The following ULK4 variants were observed in gnomAD, a reference collection of about 807,000 sequenced individuals.
ULK4 encodes inactive serine/threonine-protein kinase ULK4.
Under a neutral mutation model 160.6 loss-of-function variants are expected in ULK4, and 133 were observed. The ratio of observed to expected loss-of-function variants is 0.83; its 90% CI spans 0.72 to 0.96. The LOEUF (loss-of-function observed/expected upper bound fraction) is 0.96, where lower values mean the gene tolerates loss of function less well. Among genes scored for constraint, ULK4 ranks in the 40% least tolerant of loss-of-function variants. The probability of loss-of-function intolerance (pLI) is 0.00; values close to 1 mark genes in which losing one functional copy is unlikely to be tolerated. For missense variants in ULK4, 1,580 were observed against 1,499.5 expected (o/e 1.05, Z -0.89); for synonymous variants, 534 against 539.8 (o/e 0.99, Z 0.15).
chr3:41,454,484 G>A (rs1475521464), intron 34 of ULK4, among the ~76,000 whole-genome samples: 3 of 144,514 alleles, frequency 2.1e-5, no homozygotes, highest in Admixed American at 7.1e-5. Flanking sequence ...ATGCTGCAGT[G>A]AGCTGAGATC....
intron 34 of ULK4, among the ~76,000 whole-genome samples, chr3:41,440,719 T>C (rs1042367604): frequency 6.6e-6 from 1 of 152,036 alleles, no homozygotes; most frequent in Non-Finnish European, 1.5e-5. Context: ...TTTTGTAAAT[T>C]TGGTTATTAT....
At chr3:41,430,716 G>A (rs148983894) in intron 34 of ULK4, among the ~76,000 whole-genome samples, 285 of 152,220 alleles carry the variant, frequency 1.9e-3, no homozygotes, top group Non-Finnish European at 2.2e-3. Flanking sequence ...GCCATAGGCA[G>A]GATAATTTTG....
At chr3:41,341,145 G>A (rs991050014) in intron 35 of ULK4, among the ~76,000 whole-genome samples, 2 of 152,192 alleles carry the variant, frequency 1.3e-5, no homozygotes, top group Non-Finnish European at 2.9e-5. Context: ...AAGCTACGAT[G>A]TTCTCTAATG....
intron 32 of ULK4, among the ~76,000 whole-genome samples, chr3:41,472,573 G>GAAAAAAAAAAA (rs796797629): frequency 3.3e-5 from 3 of 89,614 alleles, no homozygotes; most frequent in African/African-American, 3.7e-5. Flanking sequence ...TCAAAAAAAA[G>GAAAAAAAAAAA]AAAAAAAAAA....
At chr3:41,530,009 T>C (rs1419404445) in intron 32 of ULK4, among the ~76,000 whole-genome samples, 1 of 152,100 alleles carries the variant, frequency 6.6e-6, no homozygotes, top group Admixed American at 6.5e-5. Context: ...GTACATGGGA[T>C]TTTTTGCAGA....
At chr3:41,838,908 C>A (rs2125657234) in intron 17 of ULK4, among the ~76,000 whole-genome samples, 1 of 152,134 alleles carries the variant, frequency 6.6e-6, no homozygotes, top group East Asian at 1.9e-4. Context: ...ACAGTGCTTA[C>A]CTGAAGCTGG....
intron 21 of ULK4, among the ~76,000 whole-genome samples, chr3:41,770,743 C>T (rs2039328099): frequency 6.6e-6 from 1 of 152,044 alleles, no homozygotes; most frequent in Admixed American, 6.6e-5. Flanking sequence ...GAACTCCTGG[C>T]CTCAAGTGAT....
At chr3:41,773,106 C>T (rs1054125721) in intron 21 of ULK4, among the ~76,000 whole-genome samples, 3 of 152,138 alleles carry the variant, frequency 2.0e-5, no homozygotes, top group Non-Finnish European at 2.9e-5. Flanking sequence ...AAACCCACAG[C>T]CAATATCATA....
chr3:41,724,814 A>G (rs2037593933), intron 22 of ULK4, among the ~76,000 whole-genome samples: 1 of 152,182 alleles, frequency 6.6e-6, no homozygotes, highest in Admixed American at 6.5e-5. Context: ...TCTAGTGGGT[A>G]TATGTTGGTA....
chr3:41,386,009 C>T lies in ULK4; in HGVS notation c.3678+12070G>A, dbSNP rs79639667. Among the ~76,000 whole-genome samples, 635 of 152,214 alleles carry T rather than the reference C, an allele frequency of 4.2e-3. 2 individuals carry two copies. Among genetic ancestry groups the T allele is most frequent in the African/African-American group, 0.015 (607 of 41,546 alleles). ...GGATGCTTATTATTATCCTTTATAC[C>T]ATTTCTGGGAAGAAATATACTGTAT... On this transcript the variant is annotated intron_variant, in intron 35 of 36. Coordinates refer to ENST00000301831, the MANE Select transcript of ULK4 (RefSeq NM_017886.4).
At chr3:41,910,630 A>AG (rs1182569551) in intron 11 of ULK4, among the ~76,000 whole-genome samples, 3 of 151,304 alleles carry the variant, frequency 2.0e-5, no homozygotes, top group Non-Finnish European at 4.4e-5. Context: ...AAAGAATAAA[A>AG]AAGTATTTAA....
intron 22 of ULK4, among the ~76,000 whole-genome samples, chr3:41,744,594 CA>C (rs1342365472): frequency 6.6e-6 from 1 of 151,812 alleles, no homozygotes; most frequent in Non-Finnish European, 1.5e-5. Flanking sequence ...AAAAGAGAAA[CA>C]GATAAAGCCA....
intron 19 of ULK4, among the ~76,000 whole-genome samples, chr3:41,815,037 T>G (rs1283457617): frequency 6.6e-6 from 1 of 151,662 alleles, no homozygotes; most frequent in African/African-American, 2.4e-5. Context: ...GCCTCCCGAG[T>G]AGCTGGAATT....
chr3:41,290,637 G>A (rs865844441), intron 35 of ULK4, among the ~76,000 whole-genome samples: 1 of 152,160 alleles, frequency 6.6e-6, no homozygotes, highest in East Asian at 1.9e-4. Flanking sequence ...ACTGTATTGC[G>A]GGGGCACTCA....
chr3:41,887,112 T>C (rs1377785916), intron 16 of ULK4, among the ~76,000 whole-genome samples: 1 of 152,198 alleles, frequency 6.6e-6, no homozygotes, highest in Non-Finnish European at 1.5e-5. Context: ...CTGTATAGGA[T>C]GGTGTCTAAG....
chr3:41,611,613 T>C (rs2032681141), intron 31 of ULK4, among the ~76,000 whole-genome samples: 1 of 152,076 alleles, frequency 6.6e-6, no homozygotes. Flanking sequence ...TTCAATCTTC[T>C]AGTGACTGAA....
intron 19 of ULK4, among the ~76,000 whole-genome samples, chr3:41,801,472 A>G (rs886301047): frequency 3.3e-5 from 5 of 152,022 alleles, no homozygotes; most frequent in Non-Finnish European, 5.9e-5. Context: ...AAGCTCAATG[A>G]GCCCTACGCA....
intron 30 of ULK4, among the ~76,000 whole-genome samples, chr3:41,621,542 T>C (rs1466188635): frequency 1.3e-5 from 2 of 152,104 alleles, no homozygotes. Flanking sequence ...AAATGGTGCT[T>C]GGAAAACTGG....
intron 35 of ULK4, among the ~76,000 whole-genome samples, chr3:41,375,210 AAAGT>A (rs1559553313): frequency 6.6e-6 from 1 of 152,204 alleles, no homozygotes; most frequent in Admixed American, 6.5e-5. Context: ...CATACTGCCC[AAAGT>A]AATTTACAGA....
Sources: allele counts gnomAD v4.1 joint callset (sites outside exome capture counted in the v4.1 genomes callset), GRCh38; gene constraint gnomAD v4.1.1; transcripts MANE v1.5; gene names NCBI Gene and HGNC (gene_info 2026-07-23, HGNC 2026-07-21).